The following UTS2B variants were observed in gnomAD, a reference collection of about 807,000 sequenced individuals.
UTS2B encodes urotensin 2B.
In UTS2B, 21 loss-of-function variants were observed where a neutral mutation model predicts 19.2. That is an observed-to-expected ratio of 1.09 (90% CI 0.78 to 1.58). The LOEUF (loss-of-function observed/expected upper bound fraction) is 1.58, where lower values mean the gene tolerates loss of function less well. Among genes scored for constraint, UTS2B ranks in the 40% most tolerant of loss-of-function variants. The pLI is 0.00. For missense variants in UTS2B, 138 were observed against 130.3 expected, an observed-to-expected ratio of 1.06 and a Z score of -0.29; for synonymous variants, 57 against 50.2, an observed-to-expected ratio of 1.14 and a Z score of -0.58.
chr3:191,341,650 G>T, the UTS2B span, among the ~76,000 whole-genome samples: 15 of 152,116 alleles, frequency 9.9e-5, no homozygotes, highest in Admixed American at 2.0e-4. Context: ...TTCAGCCTTT[G>T]TTGGGAATAG....
Position 191,278,138 on chromosome 3 carries a change from T to C in UTS2B, c.136A>G (p.Asn46Asp), listed in dbSNP as rs1385649095. 1.9e-6 allele frequency: 3 copies of C among 1,559,508 alleles called. No individual in the cohort carries two copies. The Admixed American group carries it at 6.1e-5, about 32-fold the overall frequency. The change falls in exon 6 of 9, where the codon AAT (asparagine) becomes GAT (aspartate). Residue 46 changes from asparagine (N) to aspartate (D), a missense_variant. Physicochemically the swap from Asn to Asp is conservative, Grantham distance 23. Transcript: ENST00000340524. ...NEIFPDKKYT[N>D]REELLLALLN... ...AGAGCCAGCAATAGTTCCTCACGAT[T>C]TGTATATTTTTTATCTGGAAATATT...
At chr3:191,274,436 T>A (rs1716174653) in intron 8 of UTS2B, among the ~76,000 whole-genome samples, 1 of 152,182 alleles carries the variant, frequency 6.6e-6, no homozygotes, top group Non-Finnish European at 1.5e-5. Flanking sequence ...ATTATCCGCA[T>A]TTTTAGGCAA....
chr3:191,336,530 G>T, the UTS2B span, among the ~76,000 whole-genome samples: 1 of 151,470 alleles, frequency 6.6e-6, no homozygotes, highest in Non-Finnish European at 1.5e-5. Flanking sequence ...TCTTATTATT[G>T]AATTTGGGAG....
intron 3 of UTS2B, among the ~76,000 whole-genome samples, chr3:191,305,376 G>A (rs1717109494): frequency 6.6e-6 from 1 of 152,042 alleles, no homozygotes; most frequent in Non-Finnish European, 1.5e-5. Flanking sequence ...GGCATGAGAT[G>A]GTATCTCATT....
At chr3:191,283,109 G>T (rs978815760) in intron 4 of UTS2B, among the ~76,000 whole-genome samples, 2 of 152,152 alleles carry the variant, frequency 1.3e-5, no homozygotes, top group African/African-American at 4.8e-5. Context: ...GCACATGATG[G>T]TATTAACTAA....
upstream of UTS2B, among the ~76,000 whole-genome samples, chr3:191,331,388 T>G (rs1717979424): frequency 6.6e-6 from 1 of 152,238 alleles, no homozygotes. Flanking sequence ...TCTAACATAT[T>G]ATTTCTCAAG....
At chr3:191,319,471 T>C (rs909252775) in intron 2 of UTS2B, among the ~76,000 whole-genome samples, 3 of 152,180 alleles carry the variant, frequency 2.0e-5, no homozygotes, top group Non-Finnish European at 2.9e-5. Context: ...GGAGAAGATA[T>C]CTGTTTCTTT....
chr3:191,300,924 C>A (rs1270305869), intron 4 of UTS2B, among the ~76,000 whole-genome samples: 1 of 152,192 alleles, frequency 6.6e-6, no homozygotes, highest in Non-Finnish European at 1.5e-5. Flanking sequence ...AAGTAAACCT[C>A]TTTTTAAAAC....
chr3:191,330,183 C>T (rs1367818890), intron 1 of UTS2B, among the ~76,000 whole-genome samples: 6 of 152,102 alleles, frequency 3.9e-5, no homozygotes, highest in Non-Finnish European at 5.9e-5. Context: ...CCTACTTTTC[C>T]TAGGCCGGCG....
intron 4 of UTS2B, among the ~76,000 whole-genome samples, chr3:191,302,121 CA>C (rs1240584230): frequency 6.6e-6 from 1 of 152,106 alleles, no homozygotes; most frequent in Non-Finnish European, 1.5e-5. Context: ...AAAAGCAGGC[CA>C]AAACCCACCA....
intron 7 of UTS2B, 84 bp downstream of exon 7, chr3:191,276,723 T>C: frequency 8.4e-7 from 1 of 1,190,534 alleles, no homozygotes; most frequent in Non-Finnish European, 1.2e-6. Flanking sequence ...GTATTAATAA[T>C]TTATTTTAAA....
chr3:191,324,453 C>T (rs1222408813), intron 2 of UTS2B, among the ~76,000 whole-genome samples: 1 of 152,112 alleles, frequency 6.6e-6, no homozygotes, highest in Non-Finnish European at 1.5e-5. Context: ...GTGGGAGGGA[C>T]CTGGTGGGAG....
chr3:191,315,637 G>A (rs1165223827), intron 3 of UTS2B, among the ~76,000 whole-genome samples: 1 of 152,214 alleles, frequency 6.6e-6, no homozygotes, highest in African/African-American at 2.4e-5. Context: ...AGGAAAAACA[G>A]TTTGTGTTTT....
chr3:191,322,722 T>G (rs1304615151), intron 2 of UTS2B, among the ~76,000 whole-genome samples: 1 of 152,220 alleles, frequency 6.6e-6, no homozygotes, highest in African/African-American at 2.4e-5. Flanking sequence ...GAGAAAATTT[T>G]GGGAGTAATA....
chr3:191,327,521 T>G (rs1038637924), intron 2 of UTS2B, among the ~76,000 whole-genome samples: 1 of 152,224 alleles, frequency 6.6e-6, no homozygotes, highest in South Asian at 2.1e-4. Flanking sequence ...TAGAGACCCA[T>G]GAGAGCTGAG....
intron 2 of UTS2B, among the ~76,000 whole-genome samples, chr3:191,319,855 G>A (rs1717567793): frequency 6.8e-6 from 1 of 146,362 alleles, no homozygotes; most frequent in African/African-American, 2.5e-5. Flanking sequence ...GCAACAGTGC[G>A]AGACTTGGTC....
intron 3 of UTS2B, among the ~76,000 whole-genome samples, chr3:191,307,087 G>T (rs2108599112): frequency 6.6e-6 from 1 of 152,290 alleles, no homozygotes; most frequent in African/African-American, 2.4e-5. Context: ...AGGTTCATAG[G>T]CAATATGTGA....
chr3:191,301,691 G>A (rs1028063538), intron 4 of UTS2B, among the ~76,000 whole-genome samples: 8 of 151,326 alleles, frequency 5.3e-5, no homozygotes, highest in Admixed American at 2.0e-4. Context: ...GGGTTTCACC[G>A]AGTTAGCCAG....
intron 2 of UTS2B, among the ~76,000 whole-genome samples, chr3:191,317,259 C>G (rs560593480): frequency 2.2e-4 from 34 of 152,348 alleles, no homozygotes; most frequent in Admixed American, 9.8e-4. Context: ...CCCCTCACTG[C>G]CTGGGGCCGG....
Sources: gnomAD v4.1 joint callset for allele counts (sites outside exome capture counted in the v4.1 genomes callset) on GRCh38, gnomAD v4.1.1 for gene constraint, MANE v1.5 for transcripts, NCBI Gene and HGNC (gene_info 2026-07-23, HGNC 2026-07-21) for gene names.